CACNA2D3: variants seen among roughly 807,000 people sequenced by gnomAD.
The protein encoded by CACNA2D3 is calcium voltage-gated channel auxiliary subunit alpha2delta 3, also known as voltage-dependent calcium channel subunit alpha-2/delta-3.
Under a neutral mutation model 160.6 loss-of-function variants are expected in CACNA2D3, and 60 were observed. The ratio of observed to expected loss-of-function variants is 0.37; its 90% CI spans 0.30 to 0.46. CACNA2D3 has a LOEUF of 0.46. Ranked by LOEUF, CACNA2D3 falls within the 20% of genes least tolerant of loss-of-function variation. The probability of loss-of-function intolerance (pLI) is 1.00; values close to 1 mark genes in which losing one functional copy is unlikely to be tolerated. For missense variants in CACNA2D3, 1,205 were observed against 1,365.0 expected (o/e 0.88, Z 1.85); for synonymous variants, 558 against 492.9 (o/e 1.13, Z -1.75).
intron 2 of CACNA2D3, among the ~76,000 whole-genome samples, chr3:54,165,954 G>A (rs1455030357): frequency 6.6e-6 from 1 of 152,184 alleles, no homozygotes; most frequent in African/African-American, 2.4e-5. Flanking sequence ...CTCCAGTGGT[G>A]TAAACTGAAG....
At chr3:54,268,268 C>T (rs764710161) in intron 2 of CACNA2D3, among the ~76,000 whole-genome samples, 2 of 152,164 alleles carry the variant, frequency 1.3e-5, no homozygotes, top group Admixed American at 6.5e-5. Flanking sequence ...ATTCAGGGGT[C>T]GTTCGAGCTC....
chr3:54,469,403 A>G (rs922349231), intron 4 of CACNA2D3, among the ~76,000 whole-genome samples: 1 of 152,226 alleles, frequency 6.6e-6, no homozygotes, highest in Admixed American at 6.5e-5. Context: ...ATGTTCACAC[A>G]AAAACCTCAT....
intron 5 of CACNA2D3, among the ~76,000 whole-genome samples, chr3:54,511,349 G>GT (rs372196894): frequency 0.01 from 1,515 of 148,918 alleles, 20 homozygotes; most frequent in African/African-American, 0.033. Flanking sequence ...CAGGGGCTGT[G>GT]TTTTTTTTTT....
At chr3:54,705,676 A>G (rs1163965814) in intron 11 of CACNA2D3, among the ~76,000 whole-genome samples, 2 of 152,210 alleles carry the variant, frequency 1.3e-5, no homozygotes, top group Non-Finnish European at 2.9e-5. Context: ...CAATGTTCCT[A>G]TAACTAAAAG....
intron 2 of CACNA2D3, among the ~76,000 whole-genome samples, chr3:54,279,155 T>C (rs893809416): frequency 2.6e-5 from 4 of 152,170 alleles, no homozygotes; most frequent in Non-Finnish European, 4.4e-5. Context: ...GATGGAGAGA[T>C]TGGCTGTGTC....
At chr3:54,630,887 C>T (rs549252218) in intron 10 of CACNA2D3, among the ~76,000 whole-genome samples, 3 of 151,900 alleles carry the variant, frequency 2.0e-5, no homozygotes, top group Non-Finnish European at 2.9e-5. Flanking sequence ...AGCAAAAAGC[C>T]GAATAAATGT....
chr3:54,763,813 A>G (rs1310616716), intron 12 of CACNA2D3, among the ~76,000 whole-genome samples: 30 of 2,770 alleles, frequency 0.011, 4 homozygotes, highest in Admixed American at 0.051. Context: ...ATATATATAC[A>G]TATATATATA....
chr3:54,688,485 G>A (rs1700510107), intron 11 of CACNA2D3, among the ~76,000 whole-genome samples: 1 of 151,996 alleles, frequency 6.6e-6, no homozygotes, highest in South Asian at 2.1e-4. Context: ...GAAAGGAGAA[G>A]AAAGGTAGAT....
intron 4 of CACNA2D3, among the ~76,000 whole-genome samples, chr3:54,480,722 A>T (rs1218185519): frequency 6.6e-6 from 1 of 152,014 alleles, no homozygotes; most frequent in Non-Finnish European, 1.5e-5. Flanking sequence ...TTGGTGGAAA[A>T]CATGGGCTTG....
intron 4 of CACNA2D3, among the ~76,000 whole-genome samples, chr3:54,474,034 C>A (rs746973802): frequency 5.9e-5 from 9 of 152,134 alleles, no homozygotes; most frequent in Non-Finnish European, 1.2e-4. Flanking sequence ...TTGACCCAGC[C>A]ATCCCATTAC....
At chr3:54,508,464 A>G (rs1701407500) in intron 5 of CACNA2D3, among the ~76,000 whole-genome samples, 2 of 152,216 alleles carry the variant, frequency 1.3e-5, no homozygotes, top group African/African-American at 2.4e-5. Context: ...CAGTGAGCAT[A>G]TCAGCCCCAT....
intron 4 of CACNA2D3, among the ~76,000 whole-genome samples, chr3:54,449,281 T>G (rs1376926055): frequency 1.3e-5 from 2 of 152,220 alleles, no homozygotes; most frequent in African/African-American, 4.8e-5. Context: ...TTGCTCTTGT[T>G]GACTAATATT....
chr3:54,415,805 A>T (rs1699745113), intron 4 of CACNA2D3, among the ~76,000 whole-genome samples: 1 of 152,180 alleles, frequency 6.6e-6, no homozygotes, highest in South Asian at 2.1e-4. Context: ...GATGAATCAC[A>T]CCTAAGTCTT....
intron 11 of CACNA2D3, among the ~76,000 whole-genome samples, chr3:54,664,536 G>A (rs1700029560): frequency 6.6e-6 from 1 of 152,224 alleles, no homozygotes; most frequent in Non-Finnish European, 1.5e-5. Flanking sequence ...CTTGGTCTTT[G>A]TGGGGAAATG....
chr3:54,789,312 G>A lies in CACNA2D3; in HGVS notation c.1380+24961G>A, dbSNP rs150186459. Among the ~76,000 whole-genome samples the A allele has an allele frequency of 2.5e-4, 38 of 152,246 alleles. No individual in the cohort carries two copies. In the East Asian group the frequency reaches 5.6e-3, roughly 22 times the overall value. Reference sequence around the variant, plus strand: ...TGTCCTTTCTGAGTAGAATGCAAATGTTCAAAAATAAAACTGGTGAGTTAT... The same window carrying A: ...TGTCCTTTCTGAGTAGAATGCAAATATTCAAAAATAAAACTGGTGAGTTAT... On this transcript the variant is annotated intron_variant, in intron 13 of 37. Transcript: ENST00000474759.
intron 24 of CACNA2D3, among the ~76,000 whole-genome samples, chr3:54,891,067 G>T (rs1700054068): frequency 6.6e-6 from 1 of 152,090 alleles, no homozygotes; most frequent in South Asian, 2.1e-4. Context: ...TGTGTGTATG[G>T]TTGGAAGTAG....
intron 35 of CACNA2D3, among the ~76,000 whole-genome samples, chr3:55,070,627 A>G (rs1415441471): frequency 6.6e-6 from 1 of 152,172 alleles, no homozygotes; most frequent in Non-Finnish European, 1.5e-5. Context: ...AAGACAATGT[A>G]TAGGGCACAG....
rs559135917 is a variant in CACNA2D3 at position 54,497,728 on chromosome 3, A to G, written c.382-5764A>G. Among the ~76,000 whole-genome samples the G allele has an allele frequency of 9.9e-5, 15 of 152,156 alleles. No individual in the cohort carries two copies. The East Asian group carries it at 2.3e-3, about 23-fold the overall frequency. ...CTTCTTCATCAATATAATGTCAGAT[A>G]CATGTTTTTTTGTAAATCCTTTTCA... On this transcript the variant is annotated intron_variant, in intron 4 of 37. Transcript: ENST00000474759.
intron 5 of CACNA2D3, among the ~76,000 whole-genome samples, chr3:54,549,502 C>G (rs978501219): frequency 6.6e-6 from 1 of 152,150 alleles, no homozygotes; most frequent in Non-Finnish European, 1.5e-5. Flanking sequence ...TGAACTTGCC[C>G]CCGTTCCCTT....
Sources: allele counts gnomAD v4.1 joint callset (sites outside exome capture counted in the v4.1 genomes callset), GRCh38; gene constraint gnomAD v4.1.1; transcripts MANE v1.5; gene names NCBI Gene and HGNC (gene_info 2026-07-23, HGNC 2026-07-21).